The following PGM5 variants were observed in gnomAD, a reference collection of about 807,000 sequenced individuals.
PGM5 encodes the protein phosphoglucomutase-like protein 5.
PGM5 carries 23 observed loss-of-function variants against 59.2 expected under a neutral mutation model. The ratio of observed to expected loss-of-function variants is 0.39; its 90% confidence interval spans 0.28 to 0.55. The LOEUF (loss-of-function observed/expected upper bound fraction) is 0.55. Among genes scored for constraint, PGM5 ranks in the 20% least tolerant of loss-of-function variants. The pLI, the probability that PGM5 is intolerant of heterozygous loss-of-function variation, is 0.66. For synonymous variants in PGM5, 214 were observed against 286.0 expected (o/e 0.75, Z 2.54); for missense variants, 574 against 748.3 (o/e 0.77, Z 2.72).
At chr9:68,472,305 C>A (rs1395367406) in intron 7 of PGM5, among the ~76,000 whole-genome samples, 1 of 152,190 alleles carries the variant, frequency 6.6e-6, no homozygotes, top group Non-Finnish European at 1.5e-5. Flanking sequence ...GTGTCTGCTG[C>A]TGATGTTTTC....
intron 10 of PGM5, among the ~76,000 whole-genome samples, chr9:68,526,866 C>T (rs140301911): frequency 1.1e-4 from 16 of 152,320 alleles, no homozygotes; most frequent in Non-Finnish European, 1.8e-4. Flanking sequence ...TTTGCATTCA[C>T]GTTTCATTGG....
chr9:68,382,181 C>G (rs1330102573), intron 2 of PGM5, among the ~76,000 whole-genome samples: 2 of 151,272 alleles, frequency 1.3e-5, no homozygotes, highest in Non-Finnish European at 3.0e-5. Flanking sequence ...AAACATAGAC[C>G]AAGGGAACAG....
At chr9:68,434,721 G>T (rs1166749086) in intron 6 of PGM5, among the ~76,000 whole-genome samples, 1 of 151,838 alleles carries the variant, frequency 6.6e-6, no homozygotes, top group Non-Finnish European at 1.5e-5. Context: ...CAGAAGAATC[G>T]CTTGAACCTG....
intron 7 of PGM5, chr9:68,466,229 G>T: frequency 8.1e-7 from 1 of 1,227,696 alleles, no homozygotes; most frequent in Non-Finnish European, 1.0e-6. Context: ...CCAATCTGCT[G>T]ATGAGCCTGT....
chr9:68,399,617 C>T (rs1322947309), intron 6 of PGM5, among the ~76,000 whole-genome samples: 1 of 150,884 alleles, frequency 6.6e-6, no homozygotes. Flanking sequence ...TATTAATTGC[C>T]TATTCCTGTC....
intron 6 of PGM5, among the ~76,000 whole-genome samples, chr9:68,404,855 T>G (rs1216650403): frequency 2.6e-4 from 39 of 152,208 alleles, no homozygotes; most frequent in African/African-American, 8.7e-4. Context: ...CTAGCTGAAA[T>G]GGGGCCTAAA....
Position 68,491,827 on chromosome 9 carries a change from C to A in PGM5, c.1480-7400C>A, listed in dbSNP as rs146614863. ...GATCACCCTGGGCAACACAGCGAGA[C>A]CTCATCTCAAATTTTTAAAAAAGCG... On this transcript the variant is annotated intron_variant, in intron 9 of 10. Coordinates refer to ENST00000396396, the MANE Select transcript of PGM5 (RefSeq NM_021965.4). Among the ~76,000 whole-genome samples the A allele has an allele frequency of 7.7e-3, 1,176 of 152,136 alleles. 8 individuals carry two copies. The highest frequency in any genetic ancestry group is 9.5e-3 in the Non-Finnish European group (646 of 68,004).
At chr9:68,395,619 G>C (rs2132016415) in intron 6 of PGM5, 1 of 152,098 alleles carries the variant, frequency 6.6e-6, no homozygotes, top group East Asian at 1.9e-4. Context: ...TCTCTTACAT[G>C]TATTTCATAA....
chr9:68,382,750 T>C (rs1258351886), intron 2 of PGM5, among the ~76,000 whole-genome samples: 1 of 151,772 alleles, frequency 6.6e-6, no homozygotes, highest in African/African-American at 2.4e-5. Flanking sequence ...GCTTGGAAAT[T>C]GAAAAGGAAT....
At chr9:68,409,872 T>TAA (rs200990186) in intron 6 of PGM5, among the ~76,000 whole-genome samples, 4 of 137,484 alleles carry the variant, frequency 2.9e-5, no homozygotes, top group African/African-American at 1.1e-4. Context: ...ACTTAAAGTA[T>TAA]AAAAAAAAAA....
intron 6 of PGM5, among the ~76,000 whole-genome samples, chr9:68,444,244 A>C (rs1823576042): frequency 6.6e-6 from 1 of 152,154 alleles, no homozygotes; most frequent in African/African-American, 2.4e-5. Context: ...GTACTGCCTC[A>C]TCCCCACCCA....
intron 7 of PGM5, among the ~76,000 whole-genome samples, chr9:68,478,371 C>T (rs977418976): frequency 2.6e-5 from 4 of 152,212 alleles, no homozygotes; most frequent in Admixed American, 2.0e-4. Context: ...GCTTGGAATA[C>T]GTCATCCCCA....
At chr9:68,452,439 GTC>G (rs1554684413) in intron 6 of PGM5, among the ~76,000 whole-genome samples, 1 of 152,218 alleles carries the variant, frequency 6.6e-6, no homozygotes, top group Non-Finnish European at 1.5e-5. Context: ...TCCCTGGGGA[GTC>G]TCTGCTTCTC....
intron 9 of PGM5, among the ~76,000 whole-genome samples, chr9:68,493,726 C>T (rs568214236): frequency 6.6e-6 from 1 of 152,280 alleles, no homozygotes; most frequent in African/African-American, 2.4e-5. Flanking sequence ...AGTGGCCAAG[C>T]CAGCATTCTA....
intron 6 of PGM5, among the ~76,000 whole-genome samples, chr9:68,441,214 C>T (rs1564006470): frequency 6.6e-6 from 1 of 151,628 alleles, no homozygotes; most frequent in Non-Finnish European, 1.5e-5. Context: ...TTATTGCAAA[C>T]ATTAAAAAAA....
At chr9:68,507,187 G>A (rs949620639) in intron 10 of PGM5, among the ~76,000 whole-genome samples, 18 of 152,192 alleles carry the variant, frequency 1.2e-4, no homozygotes, top group Non-Finnish European at 1.5e-5. Context: ...AGAGAGAGTT[G>A]AGAAGAGAAA....
At chr9:68,364,797 G>A (rs1380582091) in intron 1 of PGM5, among the ~76,000 whole-genome samples, 2 of 151,316 alleles carry the variant, frequency 1.3e-5, no homozygotes, top group Admixed American at 1.3e-4. Context: ...TTATGGGGAA[G>A]TAAAAGGAGT....
chr9:68,504,174 CTT>C (rs1279104264), intron 10 of PGM5, among the ~76,000 whole-genome samples: 2 of 152,210 alleles, frequency 1.3e-5, no homozygotes, highest in Non-Finnish European at 2.9e-5. Flanking sequence ...ATTTCTGTTG[CTT>C]ATTGGATTCC....
chr9:68,505,794 A>T (rs1824644338), intron 10 of PGM5, among the ~76,000 whole-genome samples: 1 of 152,160 alleles, frequency 6.6e-6, no homozygotes. Context: ...ATGGTTGATT[A>T]AATCATTGGC....
Sources: gnomAD v4.1 joint callset for allele counts (sites outside exome capture counted in the v4.1 genomes callset) on GRCh38, gnomAD v4.1.1 for gene constraint, MANE v1.5 for transcripts, NCBI Gene and HGNC (gene_info 2026-07-23, HGNC 2026-07-21) for gene names.